The following GALNT13 variants were observed in gnomAD, a reference collection of about 807,000 sequenced individuals.
The protein encoded by GALNT13 is polypeptide N-acetylgalactosaminyltransferase 13.
Under a neutral mutation model 64.2 loss-of-function variants are expected in GALNT13, and 28 were observed. The ratio of observed to expected loss-of-function variants is 0.44; its 90% CI spans 0.32 to 0.60. GALNT13 has a LOEUF of 0.60. Ranked by LOEUF, GALNT13 falls within the 20% of genes least tolerant of loss-of-function variation. GALNT13 has a pLI of 0.05. For missense variants in GALNT13, 577 were observed against 669.8 expected (o/e 0.86, Z 1.53); for synonymous variants, 214 against 224.6 (o/e 0.95, Z 0.42).
At chr2:153,500,504 C>T in the GALNT13 span, among the ~76,000 whole-genome samples, 4 of 152,184 alleles carry the variant, frequency 2.6e-5, no homozygotes, top group African/African-American at 9.7e-5. Context: ...ACCCCATCAC[C>T]TGGCAGCGTT....
At chr2:154,057,412 A>T (rs1298676257) in intron 3 of GALNT13, among the ~76,000 whole-genome samples, 1 of 152,214 alleles carries the variant, frequency 6.6e-6, no homozygotes, top group Non-Finnish European at 1.5e-5. Context: ...GTACTGTGAG[A>T]TTCAAGGCAC....
chr2:154,389,344 G>A (rs1040622730), intron 9 of GALNT13, among the ~76,000 whole-genome samples: 1 of 152,208 alleles, frequency 6.6e-6, no homozygotes, highest in East Asian at 1.9e-4. Context: ...TCACCATCTT[G>A]GCCACGCTGG....
chr2:154,208,838 T>A lies in GALNT13; in HGVS notation c.312-33192T>A, dbSNP rs556284463. On this transcript the variant is annotated intron_variant, in intron 4 of 12. Transcript: ENST00000392825. Reference sequence around the variant, plus strand: ...ATATTTTAATCCTGTAGAATATTTTTATAATGAGATCCATGTCTGTATTAC... The same window carrying A: ...ATATTTTAATCCTGTAGAATATTTTAATAATGAGATCCATGTCTGTATTAC... 9.8e-5 allele frequency among the ~76,000 whole-genome samples: 15 copies of A among 152,292 alleles called. No individual in the cohort carries two copies. The South Asian group carries it at 2.5e-3, about 25-fold the overall frequency.
chr2:153,920,630 A>G (rs7609076), intron 2 of GALNT13, among the ~76,000 whole-genome samples: 36,921 of 152,026 alleles, frequency 0.24, 4,783 homozygotes, highest in Non-Finnish European at 0.28. Context: ...AAATTGACAA[A>G]TGGGACCTAA....
chr2:154,398,762 A>G lies in GALNT13; in HGVS notation c.1296+2632A>G, dbSNP rs539252596. Among the ~76,000 whole-genome samples, 12 of 152,334 alleles carry G rather than the reference A, an allele frequency of 7.9e-5. No individual in the cohort carries two copies. In the South Asian group the frequency reaches 2.5e-3, roughly 32 times the overall value. On this transcript the variant is annotated intron_variant, in intron 10 of 12. Transcript: ENST00000392825. ...ATAATAATACTGGGTTATAGTGATG[A>G]CTGAAGACATAAAACATCTAGCCCA...
At chr2:154,259,260 G>A in intron 8 of GALNT13, 122 bp downstream of exon 8, 2 of 662,942 alleles carry the variant, frequency 3.0e-6, no homozygotes, top group South Asian at 1.8e-5. Context: ...TGATCAATTG[G>A]TTATCTTAAT....
chr2:153,241,807 A>G, the GALNT13 span, among the ~76,000 whole-genome samples: 32 of 152,038 alleles, frequency 2.1e-4, no homozygotes, highest in African/African-American at 7.0e-4. Context: ...TCCCCCTTAT[A>G]GAAAGAATTT....
At chr2:153,590,761 A>G in the GALNT13 span, among the ~76,000 whole-genome samples, 16 of 152,178 alleles carry the variant, frequency 1.1e-4, no homozygotes, top group African/African-American at 3.9e-4. Flanking sequence ...ATTTGATAAA[A>G]TTCAACATCT....
chr2:154,256,253 TA>T (rs66481218), intron 7 of GALNT13, among the ~76,000 whole-genome samples: 34 of 147,208 alleles, frequency 2.3e-4, no homozygotes, highest in Middle Eastern at 3.4e-3. Flanking sequence ...CACCAAAATT[TA>T]AAAAAAAAAG....
chr2:153,453,491 T>C, the GALNT13 span, among the ~76,000 whole-genome samples: 49 of 152,252 alleles, frequency 3.2e-4, no homozygotes, highest in Non-Finnish European at 4.4e-5. Context: ...AGAAGACATA[T>C]GAGCAGCCAA....
chr2:153,233,438 C>G, the GALNT13 span, among the ~76,000 whole-genome samples: 1 of 151,930 alleles, frequency 6.6e-6, no homozygotes. Context: ...AGCCTGCAGA[C>G]CCATTCGTGC....
At chr2:153,268,857 C>T in the GALNT13 span, among the ~76,000 whole-genome samples, 1 of 152,172 alleles carries the variant, frequency 6.6e-6, no homozygotes, top group Admixed American at 6.5e-5. Flanking sequence ...GTATCCTGGC[C>T]CCTTTCAGCC....
At chr2:154,351,258 T>C (rs777090063) in intron 9 of GALNT13, among the ~76,000 whole-genome samples, 1 of 152,182 alleles carries the variant, frequency 6.6e-6, no homozygotes, top group African/African-American at 2.4e-5. Context: ...GATTTTATTA[T>C]GTTGAAGGAT....
At chr2:154,066,283 TAG>T (rs927622739) in intron 3 of GALNT13, among the ~76,000 whole-genome samples, 4 of 151,822 alleles carry the variant, frequency 2.6e-5, no homozygotes, top group Non-Finnish European at 5.9e-5. Context: ...AAAGAGAAAG[TAG>T]AGAGAGAGAT....
intron 2 of GALNT13, among the ~76,000 whole-genome samples, chr2:153,910,350 T>TGTG (rs1688855794): frequency 6.6e-6 from 1 of 152,014 alleles, no homozygotes; most frequent in Admixed American, 6.6e-5. Context: ...CCTAGCTAGT[T>TGTG]TCTATCCATC....
chr2:153,487,054 G>A, the GALNT13 span, among the ~76,000 whole-genome samples: 3 of 152,174 alleles, frequency 2.0e-5, no homozygotes, highest in Non-Finnish European at 4.4e-5. Context: ...GGACAAGTGT[G>A]TGTTATTTTA....
chr2:153,978,147 A>G (rs1694200201), intron 3 of GALNT13, among the ~76,000 whole-genome samples: 4 of 152,202 alleles, frequency 2.6e-5, no homozygotes, highest in African/African-American at 9.6e-5. Context: ...CAGAGATAAG[A>G]AGATAGAATA....
intron 10 of GALNT13, 47 bp from the exon 11 acceptor site, chr2:154,408,937 C>T: frequency 2.6e-6 from 3 of 1,138,548 alleles, no homozygotes; most frequent in Non-Finnish European, 4.0e-6. Flanking sequence ...ACTTAAATAA[C>T]TGTCTGATTT....
the GALNT13 span, among the ~76,000 whole-genome samples, chr2:153,271,747 A>C: frequency 2.0e-5 from 3 of 152,352 alleles, no homozygotes; most frequent in Admixed American, 2.0e-4. Flanking sequence ...GACTTTCTTC[A>C]CAGAATTAGA....
Sources: allele counts gnomAD v4.1 joint callset (sites outside exome capture counted in the v4.1 genomes callset), GRCh38; gene constraint gnomAD v4.1.1; transcripts MANE v1.5; gene names NCBI Gene and HGNC (gene_info 2026-07-23, HGNC 2026-07-21).